Variants in TNNI3 observed in about 807,000 individuals in gnomAD.
The protein encoded by TNNI3 is troponin I3, cardiac type.
TNNI3 carries 23 observed loss-of-function variants against 31.5 expected under a neutral mutation model. The ratio of observed to expected loss-of-function variants is 0.73; its 90% CI spans 0.52 to 1.03. The LOEUF (loss-of-function observed/expected upper bound fraction) is 1.03, where lower values mean the gene tolerates loss of function less well. TNNI3 is among the 50% of genes least tolerant of loss of function. The probability of loss-of-function intolerance (pLI) is 0.00; values close to 1 mark genes in which losing one functional copy is unlikely to be tolerated. For synonymous variants in TNNI3, 120 were observed against 111.7 expected (o/e 1.07, Z -0.47); for missense variants, 236 against 282.9 (o/e 0.83, Z 1.19).
chr19:55,154,097 G>GC lies in TNNI3; in HGVS notation c.481dup (p.Ala161GlyfsTer4), dbSNP rs1568858158. On this transcript the variant is annotated frameshift_variant, in exon 7 of 8. Coordinates refer to ENST00000344887, the MANE Select transcript of TNNI3 (RefSeq NM_000363.5). LOFTEE classifies it high-confidence loss of function. ...CAGGTCCAGGGACTCCTTAGCCCGGGCCCCCAGCAGCGCCTGCATCATGGC... is the reference window on the plus strand; with the variant it reads ...CAGGTCCAGGGACTCCTTAGCCCGGGCCCCCCAGCAGCGCCTGCATCATGGC... 3 of 1,612,784 alleles carry GC rather than the reference G, an allele frequency of 1.9e-6. No homozygotes were observed. The highest frequency in any genetic ancestry group is 2.5e-6 in the Non-Finnish European group (3 of 1,179,936).
At position 55,153,239 on chromosome 19, in the gene TNNI3, G is replaced by A. The variant is rs114954955; in HGVS notation, c.549+791C>T. On this transcript the variant is annotated intron_variant, in intron 7 of 7. Coordinates refer to ENST00000344887, the MANE Select transcript of TNNI3 (RefSeq NM_000363.5). The stretch of plus-strand genomic sequence containing the variant: ...GAGCCACCACGCCCAACCTTCTTTT[G>A]TTGTTATTTATTGTTAATCTCTTAC... Among the ~76,000 whole-genome samples the A allele has an allele frequency of 3.2e-3, 481 of 152,196 alleles. 3 individuals carry two copies. The highest frequency in any genetic ancestry group is 0.011 in the African/African-American group (452 of 41,528).
chr19:55,156,842 C>T lies in TNNI3; in HGVS notation c.109-198G>A. The T allele has an allele frequency of 3.6e-6, 3 of 824,298 alleles. No homozygotes were observed. The highest frequency in any genetic ancestry group is 5.9e-6 in the Non-Finnish European group (3 of 504,680). 51.1% of individuals were successfully genotyped at this position (824,298 alleles called of 1,614,324 possible). A position where few individuals can be genotyped will look rare whatever the true frequency, so the allele number is the denominator to read the frequency against. On this transcript the variant is annotated intron_variant, in intron 3 of 7. Transcript: ENST00000344887. This position sits in a 1 kb window ranked among gnomAD's most constrained non-coding sequence, Gnocchi z 4.6. Reference sequence around the variant, plus strand: ...GGTCTCTTCCTTTGGATAGGCACTTCCCATCTATCCCTAAGCAAGTCCGAG... The same window carrying T: ...GGTCTCTTCCTTTGGATAGGCACTTTCCATCTATCCCTAAGCAAGTCCGAG...
rs781074550 is a variant in TNNI3, at chr19:55,152,695, G to A, written c.550-778C>T. Among the ~76,000 whole-genome samples, 1 of 152,066 alleles carries A rather than the reference G, an allele frequency of 6.6e-6. No homozygotes were observed. The highest frequency in any genetic ancestry group is 2.4e-5 in the African/African-American group (1 of 41,398). On this transcript the variant is annotated intron_variant, in intron 7 of 7. Coordinates refer to ENST00000344887, the MANE Select transcript of TNNI3 (RefSeq NM_000363.5). This position sits in a 1 kb window ranked among gnomAD's most constrained non-coding sequence, Gnocchi z 4.0. ...AGCTGGAGTGCAGTCGTGCAATCTC[G>A]GCTCACTGCAGCCTCAACTTCCTGG...
At position 55,151,784 on chromosome 19, in the gene TNNI3, G is replaced by T; in HGVS notation, c.*50C>A. 6.4e-7 allele frequency: 1 copy of T among 1,560,316 alleles called. No individual in the cohort carries two copies. The highest frequency in any genetic ancestry group is 8.8e-7 in the Non-Finnish European group (1 of 1,131,402). ...GGAGTCACTTTCAGCTCAGAGAGAA[G>T]CTTTATTCCTCAGGGCCCTCCTCAG... On this transcript the variant is annotated 3_prime_UTR_variant, in exon 8 of 8. Coordinates refer to ENST00000344887, the MANE Select transcript of TNNI3 (RefSeq NM_000363.5).
chr19:55,152,951 G>A lies in TNNI3; in HGVS notation c.550-1034C>T, dbSNP rs142979561. On this transcript the variant is annotated intron_variant, in intron 7 of 7. Coordinates refer to ENST00000344887, the MANE Select transcript of TNNI3 (RefSeq NM_000363.5). The surrounding 1 kb of genome is among the most constrained non-coding windows in gnomAD (Gnocchi z 4.0). Reference sequence around the variant, plus strand: ...AGTAGCTGGGATTACAGGCACCCACGACCACGCCCAGCAAATGTTTGTATT... The same window carrying A: ...AGTAGCTGGGATTACAGGCACCCACAACCACGCCCAGCAAATGTTTGTATT... 4.6e-5 allele frequency among the ~76,000 whole-genome samples: 7 copies of A among 151,908 alleles called. No individual in the cohort carries two copies. The highest frequency in any genetic ancestry group is 1.5e-4 in the African/African-American group (6 of 41,332).
rs753775983 is a variant in TNNI3, at chr19:55,156,165, C to T, written c.282+36G>A. On this transcript the variant is annotated intron_variant, in intron 5 of 7. Coordinates refer to ENST00000344887, the MANE Select transcript of TNNI3 (RefSeq NM_000363.5). This position sits in a 1 kb window ranked among gnomAD's most constrained non-coding sequence, Gnocchi z 4.6. ...GGATAGAGGCTGTACTGCTGAATTC[C>T]GGGACTAGAAACCTCGCATCCTTGG... 1 of 1,612,576 alleles carries T rather than the reference C, an allele frequency of 6.2e-7. No homozygotes were observed. Among genetic ancestry groups the T allele is most frequent in the Non-Finnish European group, 8.5e-7 (1 of 1,179,714 alleles).
chr19:55,153,500 G>A (rs1191884831), intron 7 of TNNI3, among the ~76,000 whole-genome samples: 1 of 151,904 alleles, frequency 6.6e-6, no homozygotes, highest in Admixed American at 6.6e-5. Context: ...TCAGCCTCCT[G>A]AGAAGCTGCA....
In TNNI3 at chr19:55,151,797, G is replaced by A. The variant is rs2085695890; in HGVS notation, c.*37C>T. On this transcript the variant is annotated 3_prime_UTR_variant, in exon 8 of 8. Coordinates refer to ENST00000344887, the MANE Select transcript of TNNI3 (RefSeq NM_000363.5). The stretch of plus-strand genomic sequence containing the variant: ...GCTCAGAGAGAAGCTTTATTCCTCA[G>A]GGCCCTCCTCAGGGCAGGGGCAGTA... 2.5e-6 allele frequency: 4 copies of A among 1,584,976 alleles called. No individual in the cohort carries two copies. The highest frequency in any genetic ancestry group is 1.7e-5 in the Admixed American group (1 of 59,946).
rs2085730390 is a variant in TNNI3, at chr19:55,156,424, A to G, written c.151-92T>C. The stretch of plus-strand genomic sequence containing the variant: ...CCGCCTCTGCCCTTCTAAACCCTCC[A>G]GTTTGGTCTCCACTGTTCCAAGGCC... On this transcript the variant is annotated intron_variant, in intron 4 of 7. Coordinates refer to ENST00000344887, the MANE Select transcript of TNNI3 (RefSeq NM_000363.5). This position sits in a 1 kb window ranked among gnomAD's most constrained non-coding sequence, Gnocchi z 4.6. 2.0e-6 allele frequency: 3 copies of G among 1,529,500 alleles called. No homozygotes were observed. 94.7% of individuals were successfully genotyped at this position (1,529,500 alleles called of 1,614,324 possible). A position where few individuals can be genotyped will look rare whatever the true frequency, so the allele number is the denominator to read the frequency against.
rs887203369 is a variant in TNNI3 at position 55,156,508 on chromosome 19, C to G, written c.150+95G>C. ...CCACGCCCCGAGCGGCCAAACCCCG[C>G]CCACTTCCGCCCACCTACCCCGAAA... On this transcript the variant is annotated intron_variant, in intron 4 of 7. Transcript: ENST00000344887. This position sits in a 1 kb window ranked among gnomAD's most constrained non-coding sequence, Gnocchi z 4.6. 1.9e-5 allele frequency: 29 copies of G among 1,523,410 alleles called. No homozygotes were observed. Among genetic ancestry groups the G allele is most frequent in the Non-Finnish European group, 2.4e-5 (27 of 1,125,020 alleles). The allele number at this position is 1,523,410 out of a possible 1,614,324, so 94.4% of individuals were successfully genotyped here.
At position 55,157,195 on chromosome 19, in the gene TNNI3, G is replaced by A; in HGVS notation, c.25-62C>T. The A allele has an allele frequency of 2.5e-6, 4 of 1,589,698 alleles. No individual in the cohort carries two copies. Among genetic ancestry groups the A allele is most frequent in the South Asian group, 1.1e-5 (1 of 87,770 alleles). On this transcript the variant is annotated intron_variant, in intron 2 of 7. Transcript: ENST00000344887. The surrounding 1 kb of genome is among the most constrained non-coding windows in gnomAD (Gnocchi z 6.3). The stretch of plus-strand genomic sequence containing the variant: ...GACCCCACCCAGCCCTTACCGTACC[G>A]CACCCTCTGCTAGGGCTGCAGCCTC...
chr19:55,156,774 A>C lies in TNNI3; in HGVS notation c.109-130T>G. 1 of 1,061,464 alleles carries C rather than the reference A, an allele frequency of 9.4e-7. No individual in the cohort carries two copies. Among genetic ancestry groups the C allele is most frequent in the Non-Finnish European group, 1.4e-6 (1 of 703,498 alleles). The allele number at this position is 1,061,464 out of a possible 1,614,324, so 65.8% of individuals were successfully genotyped here. ...GGGCCCACGTCCAACTTGAGCCCTG[A>C]GTCTACGGGAGGCCACGCCCCTCAT... On this transcript the variant is annotated intron_variant, in intron 3 of 7. Coordinates refer to ENST00000344887, the MANE Select transcript of TNNI3 (RefSeq NM_000363.5). This position sits in a 1 kb window ranked among gnomAD's most constrained non-coding sequence, Gnocchi z 4.6.
rs2085736351 is a variant in TNNI3 at position 55,156,959 on chromosome 19, G to T, written c.108+91C>A. On this transcript the variant is annotated intron_variant, in intron 3 of 7. Transcript: ENST00000344887. The surrounding 1 kb of genome is among the most constrained non-coding windows in gnomAD (Gnocchi z 4.6). ...CCTGAAGCCCCTCCGCGTAGTCCCC[G>T]CCCCCTTCGCAGCCCTGGCTCCTCC... 4.3e-6 allele frequency: 6 copies of T among 1,385,794 alleles called. No individual in the cohort carries two copies. The East Asian group carries it at 1.5e-4, about 34-fold the overall frequency. 85.8% of individuals were successfully genotyped at this position (1,385,794 alleles called of 1,614,324 possible).
In TNNI3 at chr19:55,157,591, C is replaced by T. The variant is rs2085744316; in HGVS notation, c.-2G>A. On this transcript the variant is annotated 5_prime_UTR_variant, in exon 1 of 8. Transcript: ENST00000344887. The surrounding 1 kb of genome is among the most constrained non-coding windows in gnomAD (Gnocchi z 6.3). ...GGGCATCACTCACCCATCCGCCATG[C>T]TGAGACTCAGGCCGGGAATGGCAGG... The T allele has an allele frequency of 6.2e-7, 1 of 1,613,898 alleles. No individual in the cohort carries two copies. The highest frequency in any genetic ancestry group is 8.5e-7 in the Non-Finnish European group (1 of 1,179,954).
rs202159627 is a variant in TNNI3 at position 55,157,636 on chromosome 19, G to A, written c.-47C>T. Reference sequence around the variant, plus strand: ...GGCAGGAGGCAGGGCGAGGACAGGGGCGTTTGGAGGGTCAGTGAGGGGGCC... The same window carrying A: ...GGCAGGAGGCAGGGCGAGGACAGGGACGTTTGGAGGGTCAGTGAGGGGGCC... On this transcript the variant is annotated 5_prime_UTR_variant, in exon 1 of 8. Transcript: ENST00000344887. This position sits in a 1 kb window ranked among gnomAD's most constrained non-coding sequence, Gnocchi z 6.3. The A allele has an allele frequency of 8.4e-3, 13,597 of 1,613,232 alleles. 82 individuals carry two copies. Among genetic ancestry groups the A allele is most frequent in the Non-Finnish European group, 1.0e-2 (11,753 of 1,179,540 alleles).
chr19:55,157,240 G>T lies in TNNI3; in HGVS notation c.24+56C>A. ...AGCCTCCCGCCCCAGACCCCTCACT[G>T]CAGCGCCCACCCTGGCCCTGGGGGT... On this transcript the variant is annotated intron_variant, in intron 2 of 7. Coordinates refer to ENST00000344887, the MANE Select transcript of TNNI3 (RefSeq NM_000363.5). The surrounding 1 kb of genome is among the most constrained non-coding windows in gnomAD (Gnocchi z 6.3). The T allele has an allele frequency of 6.2e-7, 1 of 1,607,158 alleles. No homozygotes were observed. The highest frequency in any genetic ancestry group is 8.5e-7 in the Non-Finnish European group (1 of 1,177,520).
At chr19:55,154,309 A>T in intron 6 of TNNI3, 103 bp from the exon 7 acceptor site, 1 of 1,273,938 alleles carries the variant, frequency 7.8e-7, no homozygotes, top group Non-Finnish European at 1.1e-6. Context: ...GTCTTCCAGT[A>T]CCGAGGCCTT....
In TNNI3 at chr19:55,156,603, C is replaced by T. The variant is rs730881086; in HGVS notation, c.150G>A (p.Lys50=). ...KISASRKLQL[K]TLLLQIAKQE... is the part of the protein sequence containing the mutation. ...CTTTCCCAGTCCCGCCCGTCCTCAC[C>T]TTCAGCTGCAATTTTCTCGAGGCGG... Residue 50 remains lysine (K), a splice_region_variant and synonymous_variant, in exon 4 of 8, where the codon AAG becomes AAA. Coordinates refer to ENST00000344887, the MANE Select transcript of TNNI3 (RefSeq NM_000363.5). The surrounding 1 kb of genome is among the most constrained non-coding windows in gnomAD (Gnocchi z 4.6). The T allele has an allele frequency of 3.2e-6, 5 of 1,563,440 alleles. No individual in the cohort carries two copies. Among genetic ancestry groups the T allele is most frequent in the Admixed American group, 1.9e-5 (1 of 52,874 alleles).
At position 55,157,331 on chromosome 19, in the gene TNNI3, G is replaced by T; in HGVS notation, c.12-23C>A. 6.2e-7 allele frequency: 1 copy of T among 1,606,214 alleles called. No individual in the cohort carries two copies. On this transcript the variant is annotated intron_variant, in intron 1 of 7. Coordinates refer to ENST00000344887, the MANE Select transcript of TNNI3 (RefSeq NM_000363.5). The surrounding 1 kb of genome is among the most constrained non-coding windows in gnomAD (Gnocchi z 6.3). ...CTCCTGGAAGGAGAGAAACCAAGGA[G>T]GGGGGTTAGTGGTGGGCTGTGTCCT...
Sources: gnomAD v4.1 joint callset for allele counts (sites outside exome capture counted in the v4.1 genomes callset) on GRCh38, gnomAD v4.1.1 for gene constraint, Gnocchi (gnomAD v3.1) non-coding constraint, MANE v1.5 for transcripts, NCBI Gene and HGNC (gene_info 2026-07-23, HGNC 2026-07-21) for gene names.